FOXP2: variants seen among roughly 807,000 people sequenced by gnomAD.
FOXP2 encodes forkhead box P2.
FOXP2 carries 12 observed loss-of-function variants against 115.8 expected under a neutral mutation model. The ratio of observed to expected loss-of-function variants is 0.10; its 90% CI spans 0.07 to 0.17. The LOEUF is 0.17. Among genes scored for constraint, FOXP2 ranks in the 10% least tolerant of loss-of-function variants. FOXP2 has a pLI of 1.00. For synonymous variants in FOXP2, 328 were observed against 297.7 expected, an observed-to-expected ratio of 1.10 and a Z score of -1.05; for missense variants, 629 against 843.5, an observed-to-expected ratio of 0.75 and a Z score of 3.15.
intron 1 of FOXP2, among the ~76,000 whole-genome samples, chr7:114,211,023 G>T (rs1053584347): frequency 6.6e-6 from 1 of 152,150 alleles, no homozygotes; most frequent in African/African-American, 2.4e-5. Context: ...CTACCTAAAC[G>T]CAGAGATGAT....
At chr7:114,442,904 C>T (rs1794672550) in intron 2 of FOXP2, among the ~76,000 whole-genome samples, 1 of 152,166 alleles carries the variant, frequency 6.6e-6, no homozygotes, top group Non-Finnish European at 1.5e-5. Flanking sequence ...CACTTCTTTG[C>T]ATGCAGCAAG....
At chr7:114,609,416 A>G (rs1050468660) in intron 3 of FOXP2, among the ~76,000 whole-genome samples, 9 of 152,320 alleles carry the variant, frequency 5.9e-5, no homozygotes, top group Middle Eastern at 3.4e-3. Flanking sequence ...ATAAGTGTAT[A>G]AAGAAATGAG....
In FOXP2 at chr7:114,202,817, T is replaced by C. The variant is rs565041392; in HGVS notation, c.-102+39729T>C. Among the ~76,000 whole-genome samples, 626 of 152,340 alleles carry C rather than the reference T, an allele frequency of 4.1e-3. 5 individuals carry two copies. The highest frequency in any genetic ancestry group is 0.014 in the African/African-American group (584 of 41,576). The stretch of plus-strand genomic sequence containing the variant: ...GCATATAAAATGCTTAGCCAGTGTC[T>C]GGTATATAATAGGAACTCAATAAAT... On this transcript the variant is annotated intron_variant, in intron 1 of 17. Coordinates refer to the FOXP2 transcript ENST00000634411.
intron 1 of FOXP2, among the ~76,000 whole-genome samples, chr7:114,285,628 T>C (rs747849346): frequency 6.6e-6 from 1 of 152,146 alleles, no homozygotes; most frequent in Non-Finnish European, 1.5e-5. Context: ...AGTTCTCATC[T>C]TTCTATATTC....
intron 2 of FOXP2, among the ~76,000 whole-genome samples, chr7:114,333,670 T>A (rs1312969765): frequency 2.0e-5 from 3 of 152,188 alleles, no homozygotes; most frequent in Non-Finnish European, 4.4e-5. Context: ...GCAGATCATT[T>A]GAGGCCAGGA....
At chr7:114,103,998 T>G (rs974391463) in intron 1 of FOXP2, among the ~76,000 whole-genome samples, 2 of 152,054 alleles carry the variant, frequency 1.3e-5, no homozygotes, top group East Asian at 1.9e-4. Flanking sequence ...AATACTGAAT[T>G]TCTTTGTGAA....
At chr7:114,402,694 A>G (rs978723938) in intron 2 of FOXP2, among the ~76,000 whole-genome samples, 1 of 150,768 alleles carries the variant, frequency 6.6e-6, no homozygotes, top group Admixed American at 6.6e-5. Context: ...TGACACCATC[A>G]TAGCTCACTG....
intron 1 of FOXP2, among the ~76,000 whole-genome samples, chr7:114,173,609 T>A (rs958316332): frequency 3.3e-5 from 5 of 151,992 alleles, no homozygotes; most frequent in Admixed American, 6.6e-5. Flanking sequence ...GCATTTATTT[T>A]TTTTTTTGTT....
chr7:114,495,570 A>G (rs1213695178), intron 2 of FOXP2, among the ~76,000 whole-genome samples: 2 of 133,650 alleles, frequency 1.5e-5, no homozygotes, highest in African/African-American at 5.8e-5. Flanking sequence ...CAATGTTGCA[A>G]TCTCAGCTCA....
chr7:114,146,489 A>C (rs1175299764), intron 1 of FOXP2, among the ~76,000 whole-genome samples: 2 of 152,168 alleles, frequency 1.3e-5, no homozygotes, highest in African/African-American at 4.8e-5. Context: ...AGTACAGGCA[A>C]TGGTAGATTG....
chr7:114,519,090 C>G (rs763870168), intron 2 of FOXP2, among the ~76,000 whole-genome samples: 1 of 152,072 alleles, frequency 6.6e-6, no homozygotes, highest in African/African-American at 2.4e-5. Context: ...TTTATCTTAT[C>G]CCCTACATAC....
At position 114,338,539 on chromosome 7, in the gene FOXP2, C is replaced by T. The variant is rs1009693875; in HGVS notation, c.-11+50430C>T. ...TTTTTGACTTAAAAATCATCAATGT[C>T]ATGTTTCCAGTACCAATGTAAATGA... On this transcript the variant is annotated intron_variant, in intron 2 of 17. Coordinates refer to the FOXP2 transcript ENST00000634411. Among the ~76,000 whole-genome samples the T allele has an allele frequency of 1.3e-4, 19 of 151,046 alleles. No individual in the cohort carries two copies. In the Admixed American group the frequency reaches 1.3e-3, roughly 10 times the overall value.
intron 6 of FOXP2, among the ~76,000 whole-genome samples, chr7:114,639,798 G>A (rs1199687365): frequency 1.3e-5 from 2 of 152,180 alleles, no homozygotes; most frequent in Non-Finnish European, 2.9e-5. Flanking sequence ...AGACAGGCAA[G>A]AGCCAGATAA....
chr7:114,333,891 TAA>T (rs200699753), intron 2 of FOXP2, among the ~76,000 whole-genome samples: 19 of 139,498 alleles, frequency 1.4e-4, no homozygotes, highest in Non-Finnish European at 1.6e-4. Flanking sequence ...CCATCTCAAT[TAA>T]AAAAAAAAAA....
intron 3 of FOXP2, among the ~76,000 whole-genome samples, chr7:114,564,909 A>T (rs890483004): frequency 2.6e-5 from 4 of 151,220 alleles, no homozygotes; most frequent in Admixed American, 2.6e-4. Flanking sequence ...TAGAAATGTT[A>T]TTTGTGCCCA....
At chr7:114,167,935 C>CA (rs34195375) in intron 1 of FOXP2, among the ~76,000 whole-genome samples, 27,990 of 83,308 alleles carry the variant, frequency 0.34, 4,586 homozygotes, top group Middle Eastern at 0.44. Flanking sequence ...GACTCCATCT[C>CA]AAAAAAAAAA....
chr7:114,567,333 CCT>C (rs1452418268), intron 3 of FOXP2, among the ~76,000 whole-genome samples: 1 of 151,980 alleles, frequency 6.6e-6, no homozygotes, highest in Non-Finnish European at 1.5e-5. Flanking sequence ...TACTTATTAT[CCT>C]CTGTCTAGAG....
At chr7:114,086,633 C>T, upstream of FOXP2, 2 of 389,632 alleles carry the variant, frequency 5.1e-6, no homozygotes, top group Admixed American at 2.9e-5. Flanking sequence ...GGCCCTCACT[C>T]TGGCGCGCTA....
Position 114,490,972 on chromosome 7 carries a change from G to A in FOXP2, c.169-43645G>A, listed in dbSNP as rs183149789. Among the ~76,000 whole-genome samples, 56 of 152,300 alleles carry A rather than the reference G, an allele frequency of 3.7e-4. No individual in the cohort carries two copies. The East Asian group carries it at 7.9e-3, about 22-fold the overall frequency. The stretch of plus-strand genomic sequence containing the variant: ...ATAGTGCCGTAATAAACATACGTGT[G>A]CATGTGTCTTTATAGCAGCATGTTT... On this transcript the variant is annotated intron_variant, in intron 2 of 16. Transcript: ENST00000350908.
Sources: gnomAD v4.1 joint callset for allele counts (sites outside exome capture counted in the v4.1 genomes callset) on GRCh38, gnomAD v4.1.1 for gene constraint, MANE v1.5 for transcripts, NCBI Gene and HGNC (gene_info 2026-07-23, HGNC 2026-07-21) for gene names.